The following HS6ST3 variants were observed in gnomAD, a reference collection of about 807,000 sequenced individuals.
The protein encoded by HS6ST3 is heparan-sulfate 6-O-sulfotransferase 3.
A neutral mutation model predicts 36.7 loss-of-function variants in HS6ST3; 12 were observed. The observed-to-expected ratio is 0.33, with a 90% CI of 0.21 to 0.53. The LOEUF is 0.53. HS6ST3 is among the 20% of genes least tolerant of loss of function. HS6ST3 has a pLI of 0.95. For missense variants in HS6ST3, 584 were observed against 640.9 expected, an observed-to-expected ratio of 0.91 and a Z score of 0.96; for synonymous variants, 240 against 257.5, an observed-to-expected ratio of 0.93 and a Z score of 0.65.
chr13:96,789,374 A>G (rs1001960383), intron 1 of HS6ST3, among the ~76,000 whole-genome samples: 8 of 151,796 alleles, frequency 5.3e-5, no homozygotes, highest in African/African-American at 1.9e-4. Context: ...CCAGTCTGAC[A>G]ATGTTACAAT....
At chr13:96,464,393 A>G (rs1017449692) in intron 1 of HS6ST3, among the ~76,000 whole-genome samples, 1 of 152,024 alleles carries the variant, frequency 6.6e-6, no homozygotes, top group Admixed American at 6.6e-5. Context: ...CTTGGCAACA[A>G]TCATTGTCTC....
At chr13:96,268,709 A>G (rs1204789989) in intron 1 of HS6ST3, among the ~76,000 whole-genome samples, 1 of 152,046 alleles carries the variant, frequency 6.6e-6, no homozygotes, top group East Asian at 1.9e-4. Context: ...TATATTATAC[A>G]ACACTGAAAG....
At chr13:96,405,439 G>A (rs1268604582) in intron 1 of HS6ST3, among the ~76,000 whole-genome samples, 1 of 152,126 alleles carries the variant, frequency 6.6e-6, no homozygotes, top group Admixed American at 6.6e-5. Context: ...GGCCTGGAAG[G>A]AAAGGTCCTT....
At chr13:96,180,858 T>C (rs1034468558) in intron 1 of HS6ST3, among the ~76,000 whole-genome samples, 1 of 152,176 alleles carries the variant, frequency 6.6e-6, no homozygotes, top group Admixed American at 6.6e-5. Flanking sequence ...CATCCATCCA[T>C]CCTTTCCTTC....
intron 1 of HS6ST3, among the ~76,000 whole-genome samples, chr13:96,564,781 A>G (rs915226695): frequency 9.9e-5 from 15 of 152,174 alleles, no homozygotes; most frequent in Admixed American, 7.9e-4. Context: ...ATAGTCCTCA[A>G]ATAGAGGAAT....
At chr13:96,441,127 G>A (rs1488539080) in intron 1 of HS6ST3, among the ~76,000 whole-genome samples, 1 of 152,118 alleles carries the variant, frequency 6.6e-6, no homozygotes, top group African/African-American at 2.4e-5. Context: ...ACCAGGAAGA[G>A]GGCCTTCACC....
intron 1 of HS6ST3, among the ~76,000 whole-genome samples, chr13:96,309,310 ACTGT>A (rs1230559217): frequency 3.3e-5 from 5 of 152,238 alleles, no homozygotes; most frequent in African/African-American, 9.6e-5. Context: ...TTCAATAGGT[ACTGT>A]CTAATTGAAT....
intron 1 of HS6ST3, among the ~76,000 whole-genome samples, chr13:96,665,324 C>T (rs1427444830): frequency 6.6e-6 from 1 of 152,084 alleles, no homozygotes; most frequent in East Asian, 1.9e-4. Flanking sequence ...AGCAATGGAG[C>T]TGGAGACATC....
intron 1 of HS6ST3, among the ~76,000 whole-genome samples, chr13:96,389,119 A>C (rs1172441103): frequency 6.6e-6 from 1 of 152,228 alleles, no homozygotes; most frequent in Non-Finnish European, 1.5e-5. Context: ...TTAAAAGTAT[A>C]GACTATGTAT....
At chr13:96,442,848 C>T (rs2055679710) in intron 1 of HS6ST3, among the ~76,000 whole-genome samples, 2 of 149,726 alleles carry the variant, frequency 1.3e-5, no homozygotes, top group South Asian at 4.2e-4. Context: ...ACCAAAAAAC[C>T]CACTGAAATT....
At chr13:96,152,176 C>T (rs982075450) in intron 1 of HS6ST3, among the ~76,000 whole-genome samples, 15 of 152,202 alleles carry the variant, frequency 9.9e-5, no homozygotes, top group Admixed American at 9.2e-4. Context: ...TCCTTTTCCC[C>T]TGTATCCATG....
At chr13:96,758,761 A>C (rs901325441) in intron 1 of HS6ST3, among the ~76,000 whole-genome samples, 2 of 151,854 alleles carry the variant, frequency 1.3e-5, no homozygotes, top group African/African-American at 4.8e-5. Flanking sequence ...ATTTATTGAG[A>C]CTTATGATAC....
chr13:96,466,432 T>C (rs1056710040), intron 1 of HS6ST3, among the ~76,000 whole-genome samples: 1 of 152,198 alleles, frequency 6.6e-6, no homozygotes, highest in African/African-American at 2.4e-5. Context: ...CGTCTCTCCA[T>C]TGCCCCCTCC....
intron 1 of HS6ST3, among the ~76,000 whole-genome samples, chr13:96,782,054 G>A (rs1484579161): frequency 1.3e-5 from 2 of 152,024 alleles, no homozygotes; most frequent in Non-Finnish European, 2.9e-5. Context: ...GAAATGATAA[G>A]GCATATTTTG....
intron 1 of HS6ST3, among the ~76,000 whole-genome samples, chr13:96,308,841 T>A (rs1284777839): frequency 2.6e-5 from 4 of 152,082 alleles, no homozygotes; most frequent in Admixed American, 6.6e-5. Context: ...CATGATATAG[T>A]CTGTTATAAT....
chr13:96,665,175 AAAATAAAT>A lies in HS6ST3; in HGVS notation c.708-167303_708-167296del, dbSNP rs369155502. Among the ~76,000 whole-genome samples, 3 of 152,258 alleles carry A rather than the reference AAAATAAAT, an allele frequency of 2.0e-5. No homozygotes were observed. The East Asian group carries it at 5.8e-4, about 29-fold the overall frequency. ...AATAGAGACCCTGTCTCAAAAAGATAAAATAAATAAATAAATAAACAAGGCCAAAAAGA... is the reference window on the plus strand; with the variant it reads ...AATAGAGACCCTGTCTCAAAAAGATAAAATAAATAAACAAGGCCAAAAAGA... On this transcript the variant is annotated intron_variant, in intron 1 of 1. Transcript: ENST00000376705.
intron 1 of HS6ST3, among the ~76,000 whole-genome samples, chr13:96,321,117 CT>C (rs111895118): frequency 0.12 from 17,309 of 147,052 alleles, 1,012 homozygotes; most frequent in Middle Eastern, 0.14. Context: ...GTGAACTCAA[CT>C]TTTTTTTTTT....
intron 1 of HS6ST3, among the ~76,000 whole-genome samples, chr13:96,733,407 C>T (rs1034108982): frequency 6.6e-6 from 1 of 152,176 alleles, no homozygotes; most frequent in Admixed American, 6.5e-5. Flanking sequence ...TTTTGTTTTT[C>T]ATTGTGCTAT....
chr13:96,710,975 C>T (rs953008826), intron 1 of HS6ST3, among the ~76,000 whole-genome samples: 3 of 152,228 alleles, frequency 2.0e-5, no homozygotes, highest in African/African-American at 4.8e-5. Flanking sequence ...GCACATTTCT[C>T]TCAGACTTCT....
Sources: gnomAD v4.1 joint callset for allele counts (sites outside exome capture counted in the v4.1 genomes callset) on GRCh38, gnomAD v4.1.1 for gene constraint, MANE v1.5 for transcripts, NCBI Gene and HGNC (gene_info 2026-07-23, HGNC 2026-07-21) for gene names.